TMEM132B: variants seen among roughly 807,000 people sequenced by gnomAD.
TMEM132B encodes transmembrane protein 132B.
TMEM132B carries 18 observed loss-of-function variants against 90.8 expected under a neutral mutation model. That is an observed-to-expected ratio of 0.20 (90% confidence interval 0.14 to 0.29). The LOEUF (loss-of-function observed/expected upper bound fraction) is 0.29. TMEM132B is among the 10% of genes least tolerant of loss of function. TMEM132B has a pLI of 1.00. For missense variants in TMEM132B, 1,096 were observed against 1,326.8 expected (o/e 0.83, Z 2.70); for synonymous variants, 504 against 523.3 (o/e 0.96, Z 0.50).
intron 1 of TMEM132B, among the ~76,000 whole-genome samples, chr12:125,327,823 T>C (rs1365107049): frequency 1.3e-5 from 2 of 152,224 alleles, no homozygotes; most frequent in Non-Finnish European, 2.9e-5. Flanking sequence ...GGCTGGCAGA[T>C]GCTGGGTGCA....
At chr12:125,548,126 A>G (rs1251765193) in intron 4 of TMEM132B, among the ~76,000 whole-genome samples, 1 of 152,148 alleles carries the variant, frequency 6.6e-6, no homozygotes, top group East Asian at 1.9e-4. Context: ...GGCTCCAGCA[A>G]TCCCAACTGT....
intron 5 of TMEM132B, among the ~76,000 whole-genome samples, chr12:125,601,614 C>T (rs1885573307): frequency 6.6e-6 from 1 of 151,990 alleles, no homozygotes; most frequent in African/African-American, 2.4e-5. Context: ...TAACTAAGAT[C>T]AGAGCAGAAC....
chr12:125,301,540 C>G (rs1264527028), intron 1 of TMEM132B: 1 of 152,332 alleles, frequency 6.6e-6, no homozygotes, highest in African/African-American at 2.4e-5. Context: ...GTCGTGCCAC[C>G]AAGGCCAGTC....
chr12:125,390,645 T>C (rs1878981836), intron 2 of TMEM132B, among the ~76,000 whole-genome samples: 2 of 152,216 alleles, frequency 1.3e-5, no homozygotes. Flanking sequence ...GATCATTTTT[T>C]CTGGAGGAAG....
At chr12:125,528,053 G>C (rs1490717077) in intron 4 of TMEM132B, among the ~76,000 whole-genome samples, 1 of 152,176 alleles carries the variant, frequency 6.6e-6, no homozygotes, top group Non-Finnish European at 1.5e-5. Context: ...GGGTGACAGT[G>C]GTGCTTTCTG....
At chr12:125,215,531 C>G (rs527403264) in intron 1 of TMEM132B, among the ~76,000 whole-genome samples, 1 of 152,226 alleles carries the variant, frequency 6.6e-6, no homozygotes, top group African/African-American at 2.4e-5. Context: ...CTCCAACTCT[C>G]CTGCCTCTTT....
At chr12:125,395,572 C>T (rs1879147279) in intron 2 of TMEM132B, among the ~76,000 whole-genome samples, 2 of 152,136 alleles carry the variant, frequency 1.3e-5, no homozygotes, top group South Asian at 2.1e-4. Flanking sequence ...GGATTACAGA[C>T]GGTAAAGTTA....
intron 5 of TMEM132B, among the ~76,000 whole-genome samples, chr12:125,632,718 A>T (rs1309644491): frequency 6.6e-6 from 1 of 150,416 alleles, no homozygotes; most frequent in African/African-American, 2.5e-5. Flanking sequence ...ATGTCATGCC[A>T]CTCTCTTCTG....
At position 125,567,998 on chromosome 12, in the gene TMEM132B, C is replaced by A. The variant is rs116912708; in HGVS notation, c.1294-15853C>A. 2.2e-3 allele frequency among the ~76,000 whole-genome samples: 331 copies of A among 152,304 alleles called. 3 individuals are homozygous for A. Among genetic ancestry groups the A allele is most frequent in the East Asian group, 0.019 (99 of 5,190 alleles). ...ACCTCGGAGCCAGCCCAGGGTCTAA[C>A]CTTGCGTGCGTCTGTCTCTCTCCCT... On this transcript the variant is annotated intron_variant, in intron 4 of 8. Coordinates refer to ENST00000682704, the MANE Select transcript of TMEM132B (RefSeq NM_001366854.1).
At chr12:125,231,507 A>G (rs1427301613) in intron 1 of TMEM132B, among the ~76,000 whole-genome samples, 1 of 152,192 alleles carries the variant, frequency 6.6e-6, no homozygotes, top group Non-Finnish European at 1.5e-5. Context: ...GTATTTGAGC[A>G]TGTTTGTCTT....
At chr12:125,484,417 C>G (rs1036057179) in intron 3 of TMEM132B, among the ~76,000 whole-genome samples, 1 of 152,086 alleles carries the variant, frequency 6.6e-6, no homozygotes, top group Non-Finnish European at 1.5e-5. Flanking sequence ...TCAAGGCGTC[C>G]TACTCTGCAC....
rs140535718 is a variant in TMEM132B, at chr12:125,638,378, T to C, written c.1438-5698T>C. On this transcript the variant is annotated intron_variant, in intron 5 of 8. Transcript: ENST00000682704. ...ATATATTATTATTCCTTTTGGCATT[T>C]ATTATTAGTTAAAAACTCAAGGTAA... Among the ~76,000 whole-genome samples the C allele has an allele frequency of 2.9e-4, 44 of 152,356 alleles. 1 individual carries two copies. The highest frequency in any genetic ancestry group is 1.1e-3 in the African/African-American group (44 of 41,584).
chr12:125,433,921 T>G lies in TMEM132B; in HGVS notation c.1106+18244T>G, dbSNP rs183947992. Reference sequence around the variant, plus strand: ...TCGCCTTGGAAGGGGGCTCTGCAAATTGAGTATTACATATGAGATATTTGT... The same window carrying G: ...TCGCCTTGGAAGGGGGCTCTGCAAAGTGAGTATTACATATGAGATATTTGT... On this transcript the variant is annotated intron_variant, in intron 3 of 8. Coordinates refer to ENST00000682704, the MANE Select transcript of TMEM132B (RefSeq NM_001366854.1). Among the ~76,000 whole-genome samples the G allele has an allele frequency of 2.6e-5, 4 of 152,268 alleles. No individual in the cohort carries two copies. The East Asian group carries it at 7.7e-4, about 29-fold the overall frequency.
At chr12:125,496,714 G>T (rs1338247959) in intron 3 of TMEM132B, among the ~76,000 whole-genome samples, 1 of 152,122 alleles carries the variant, frequency 6.6e-6, no homozygotes, top group African/African-American at 2.4e-5. Context: ...TCATTCTCAG[G>T]TGCTCTTCAC....
At chr12:125,380,746 C>T (rs527341001) in intron 2 of TMEM132B, among the ~76,000 whole-genome samples, 25 of 152,314 alleles carry the variant, frequency 1.6e-4, no homozygotes, top group African/African-American at 5.3e-4. Context: ...GCAAGAGGAA[C>T]GCAGCCCTCC....
At chr12:125,188,550 G>A (rs1370035099) in intron 1 of TMEM132B, among the ~76,000 whole-genome samples, 3 of 24,928 alleles carry the variant, frequency 1.2e-4, no homozygotes, top group Non-Finnish European at 2.5e-4. Flanking sequence ...CCCCACCCCC[G>A]TCCCCCGCCC....
intron 3 of TMEM132B, among the ~76,000 whole-genome samples, chr12:125,416,579 A>C (rs1193791649): frequency 6.6e-6 from 1 of 152,252 alleles, no homozygotes; most frequent in Non-Finnish European, 1.5e-5. Flanking sequence ...GGAGGGGAGC[A>C]TGAGAAATGG....
chr12:125,519,708 A>G (rs1183106923), intron 4 of TMEM132B, 83 bp downstream of exon 4: 1 of 1,392,764 alleles, frequency 7.2e-7, no homozygotes, highest in Non-Finnish European at 1.0e-6. Flanking sequence ...GTTATTTTCC[A>G]CATACCTGAT....
chr12:125,419,223 G>A (rs1250503091), intron 3 of TMEM132B, among the ~76,000 whole-genome samples: 1 of 152,162 alleles, frequency 6.6e-6, no homozygotes, highest in Non-Finnish European at 1.5e-5. Flanking sequence ...CCAACTCAAG[G>A]TGAAGTCAAG....
Sources: gnomAD v4.1 joint callset for allele counts (sites outside exome capture counted in the v4.1 genomes callset) on GRCh38, gnomAD v4.1.1 for gene constraint, MANE v1.5 for transcripts, NCBI Gene and HGNC (gene_info 2026-07-23, HGNC 2026-07-21) for gene names.